The following CADM2 variants were observed in gnomAD, a reference collection of about 807,000 sequenced individuals.
CADM2 encodes the protein cell adhesion molecule 2.
A neutral mutation model predicts 49.8 loss-of-function variants in CADM2; 12 were observed. That is an observed-to-expected ratio of 0.24 (90% CI 0.15 to 0.39). The LOEUF (loss-of-function observed/expected upper bound fraction) is 0.39. Ranked by LOEUF, CADM2 falls within the 10% of genes least tolerant of loss-of-function variation. The pLI is 1.00. For synonymous variants in CADM2, 214 were observed against 175.4 expected, an observed-to-expected ratio of 1.22 and a Z score of -1.74; for missense variants, 378 against 492.3, an observed-to-expected ratio of 0.77 and a Z score of 2.20.
chr3:85,777,244 A>AATTATTATTATTATTATTATTATTATT (rs71112117), intron 2 of CADM2, among the ~76,000 whole-genome samples: 23 of 148,756 alleles, frequency 1.5e-4, no homozygotes, highest in South Asian at 4.2e-4. Flanking sequence ...GTTTTTAAAA[A>AATTATTATTATTATTATTATTATTATT]ATTATTATTA....
At chr3:85,907,923 A>T (rs1717023829) in intron 5 of CADM2, among the ~76,000 whole-genome samples, 1 of 151,920 alleles carries the variant, frequency 6.6e-6, no homozygotes, top group Non-Finnish European at 1.5e-5. Context: ...AAAAAAAAAA[A>T]AAGAAGATAT....
chr3:85,667,668 A>G (rs544317999), intron 1 of CADM2, among the ~76,000 whole-genome samples: 8 of 152,160 alleles, frequency 5.3e-5, no homozygotes, highest in African/African-American at 1.9e-4. Context: ...CTCAGGGAGT[A>G]TTCTGATTTT....
chr3:84,980,666 A>G (rs776832293), intron 1 of CADM2, among the ~76,000 whole-genome samples: 4 of 152,222 alleles, frequency 2.6e-5, no homozygotes, highest in Admixed American at 6.5e-5. Flanking sequence ...TTGAAATCTA[A>G]CAGGCATGAC....
rs115154092 is a variant in CADM2, at chr3:85,839,372, T to C, written c.238+37176T>C. On this transcript the variant is annotated intron_variant, in intron 3 of 9. Transcript: ENST00000383699. ...ATATCCCCTTGTCCATTTTGTAATA[T>C]TTATAATACTCTCTCTGTCTATATA... Among the ~76,000 whole-genome samples the C allele has an allele frequency of 4.0e-3, 606 of 151,962 alleles. 3 individuals are homozygous for C. Among genetic ancestry groups the C allele is most frequent in the Non-Finnish European group, 7.0e-3 (477 of 67,870 alleles).
At chr3:85,354,014 G>A (rs760569413) in intron 1 of CADM2, among the ~76,000 whole-genome samples, 8 of 151,656 alleles carry the variant, frequency 5.3e-5, no homozygotes, top group African/African-American at 7.2e-5. Context: ...TCTTGTCAAC[G>A]CCATTTTTTT....
At chr3:84,993,822 C>T (rs2033028432) in intron 1 of CADM2, among the ~76,000 whole-genome samples, 1 of 150,152 alleles carries the variant, frequency 6.7e-6, no homozygotes, top group Non-Finnish European at 1.5e-5. Context: ...TGGATCTCAG[C>T]GTGACAATAA....
intron 1 of CADM2, among the ~76,000 whole-genome samples, chr3:84,990,639 A>G (rs2032833500): frequency 6.6e-6 from 1 of 152,038 alleles, no homozygotes; most frequent in Non-Finnish European, 1.5e-5. Context: ...TATAATTTTT[A>G]AGTATGTATT....
chr3:85,191,945 T>TTGTGTGTG lies in CADM2; in HGVS notation c.61+232295_61+232302dup, dbSNP rs3085115. On this transcript the variant is annotated intron_variant, in intron 1 of 9. Coordinates refer to ENST00000383699, the MANE Select transcript of CADM2 (RefSeq NM_001167675.2). Reference sequence around the variant, plus strand: ...AATAGAGAGTAATAAGATGAAACAGTTGTGTGTGTGTGTGTGTGTGTGTGT... The same window carrying TTGTGTGTG: ...AATAGAGAGTAATAAGATGAAACAGTTGTGTGTGTGTGTGTGTGTGTGTGTGTGTGTGT... Among the ~76,000 whole-genome samples the TTGTGTGTG allele has an allele frequency of 8.9e-3, 1,333 of 149,072 alleles. 22 individuals carry two copies. Among genetic ancestry groups the TTGTGTGTG allele is most frequent in the African/African-American group, 0.024 (980 of 40,634 alleles).
intron 1 of CADM2, among the ~76,000 whole-genome samples, chr3:85,256,915 A>C (rs1331727715): frequency 6.6e-6 from 1 of 152,112 alleles, no homozygotes; most frequent in Admixed American, 6.6e-5. Flanking sequence ...TTGGGATTTA[A>C]CAGAAAATTA....
intron 3 of CADM2, among the ~76,000 whole-genome samples, chr3:85,806,734 CA>C (rs1480658018): frequency 2.0e-5 from 3 of 151,572 alleles, no homozygotes; most frequent in African/African-American, 7.3e-5. Context: ...GGCTCTGTCT[CA>C]AAAACAAAAC....
chr3:85,995,014 TAA>T (rs59038758), intron 8 of CADM2, among the ~76,000 whole-genome samples: 41 of 83,008 alleles, frequency 4.9e-4, no homozygotes, highest in South Asian at 2.3e-3. Context: ...TTCGATTTGT[TAA>T]AAAAAAAAAA....
At chr3:85,750,141 T>G (rs1217620058) in intron 2 of CADM2, among the ~76,000 whole-genome samples, 2 of 152,054 alleles carry the variant, frequency 1.3e-5, no homozygotes, top group African/African-American at 4.8e-5. Flanking sequence ...ATCCCATATC[T>G]TTCTGTTTAA....
rs974636901 is a variant in CADM2 at position 85,585,392 on chromosome 3, A to G, written c.62-141130A>G. 1.9e-4 allele frequency among the ~76,000 whole-genome samples: 29 copies of G among 151,884 alleles called. 1 individual carries two copies. Among genetic ancestry groups the G allele is most frequent in the African/African-American group, 5.1e-4 (21 of 41,358 alleles). ...GGAAGTTGGTACTTGAAAAGAAAATATATACATATATATGTATATATATAT... is the reference window on the plus strand; with the variant it reads ...GGAAGTTGGTACTTGAAAAGAAAATGTATACATATATATGTATATATATAT... On this transcript the variant is annotated intron_variant, in intron 1 of 9. Coordinates refer to ENST00000383699, the MANE Select transcript of CADM2 (RefSeq NM_001167675.2).
At chr3:85,721,715 G>T (rs544971030) in intron 1 of CADM2, among the ~76,000 whole-genome samples, 2 of 152,182 alleles carry the variant, frequency 1.3e-5, no homozygotes, top group African/African-American at 2.4e-5. Flanking sequence ...GAACTGCAGG[G>T]CCCCAAAGTG....
At chr3:85,296,916 G>A (rs1044255233) in intron 1 of CADM2, among the ~76,000 whole-genome samples, 1 of 152,020 alleles carries the variant, frequency 6.6e-6, no homozygotes, top group African/African-American at 2.4e-5. Flanking sequence ...AGCTAAAATA[G>A]AGTATGTTTT....
intron 1 of CADM2, among the ~76,000 whole-genome samples, chr3:85,135,533 C>T (rs528618764): frequency 6.6e-6 from 1 of 152,158 alleles, no homozygotes; most frequent in African/African-American, 2.4e-5. Flanking sequence ...ATATAGTACT[C>T]ATCATTGTAA....
chr3:85,994,324 C>G (rs1729111682), intron 8 of CADM2: 1 of 152,194 alleles, frequency 6.6e-6, no homozygotes. Context: ...GTCTTTCAAT[C>G]TTCACAGAAT....
chr3:85,825,467 C>T (rs573624941), intron 3 of CADM2, among the ~76,000 whole-genome samples: 1 of 152,010 alleles, frequency 6.6e-6, no homozygotes, highest in African/African-American at 2.4e-5. Flanking sequence ...CAATATGCTG[C>T]CATTGCCTTT....
At chr3:85,428,927 C>T (rs760201012) in intron 1 of CADM2, among the ~76,000 whole-genome samples, 2 of 151,688 alleles carry the variant, frequency 1.3e-5, no homozygotes, top group Non-Finnish European at 2.9e-5. Flanking sequence ...AGGTGAAAAT[C>T]ATTTTCAGGG....
Sources: gnomAD v4.1 joint callset for allele counts (sites outside exome capture counted in the v4.1 genomes callset) on GRCh38, gnomAD v4.1.1 for gene constraint, MANE v1.5 for transcripts, NCBI Gene and HGNC (gene_info 2026-07-23, HGNC 2026-07-21) for gene names.